The following STPG2 variants were observed in gnomAD, a reference collection of about 807,000 sequenced individuals.
The protein encoded by STPG2 is sperm tail PG-rich repeat containing 2.
STPG2 carries 56 observed loss-of-function variants against 54.2 expected under a neutral mutation model. That is an observed-to-expected ratio of 1.03 (90% confidence interval 0.83 to 1.29). STPG2 has a LOEUF of 1.29. STPG2 is among the 50% of genes most tolerant of loss of function. STPG2 has a pLI of 0.00. For missense variants in STPG2, 596 were observed against 544.9 expected (o/e 1.09, Z -0.93); for synonymous variants, 200 against 181.8 (o/e 1.10, Z -0.81).
intron 4 of STPG2, among the ~76,000 whole-genome samples, chr4:97,506,768 T>A (rs951394720): frequency 6.6e-6 from 1 of 151,650 alleles, no homozygotes; most frequent in East Asian, 1.9e-4. Flanking sequence ...AACAAAGTAG[T>A]ATAAAATGTA....
chr4:98,134,486 C>A (rs538450375), intron 1 of STPG2, 27 bp from the exon 2 acceptor site: 92 of 1,404,760 alleles, frequency 6.5e-5, no homozygotes, highest in Admixed American at 2.8e-4. Flanking sequence ...ATATGACCAG[C>A]AGATAAGATA....
At chr4:97,686,972 G>A (rs1723212983) in intron 10 of STPG2, among the ~76,000 whole-genome samples, 1 of 147,260 alleles carries the variant, frequency 6.8e-6, no homozygotes, top group African/African-American at 2.5e-5. Context: ...AGTGAGTCTC[G>A]CTCTGTCGCC....
intron 4 of STPG2, among the ~76,000 whole-genome samples, chr4:97,487,217 C>G (rs1730389507): frequency 6.6e-6 from 1 of 150,728 alleles, no homozygotes; most frequent in East Asian, 2.0e-4. Context: ...AAACCCAGAC[C>G]AGGAAGACTA....
intron 8 of STPG2, among the ~76,000 whole-genome samples, chr4:97,913,235 C>CA (rs1365000701): frequency 6.6e-6 from 1 of 152,148 alleles, no homozygotes; most frequent in Non-Finnish European, 1.5e-5. Flanking sequence ...CTTTATCAAT[C>CA]ACTTTATTAA....
intron 9 of STPG2, among the ~76,000 whole-genome samples, chr4:97,793,669 T>A (rs471500): frequency 2.0e-5 from 3 of 151,600 alleles, no homozygotes; most frequent in Non-Finnish European, 4.4e-5. Flanking sequence ...TACATGAATC[T>A]AAACAGCAAT....
At chr4:98,045,953 C>G (rs1425523799) in intron 5 of STPG2, among the ~76,000 whole-genome samples, 3 of 58,720 alleles carry the variant, frequency 5.1e-5, no homozygotes, top group Non-Finnish European at 1.2e-4. Context: ...ATCCCTTCCT[C>G]TTTCTCTTCT....
downstream of STPG2, among the ~76,000 whole-genome samples, chr4:97,554,513 T>C (rs1382435723): frequency 6.6e-6 from 1 of 152,146 alleles, no homozygotes; most frequent in African/African-American, 2.4e-5. Flanking sequence ...ATCGCCACAG[T>C]TGCAGGAGCC....
intron 4 of STPG2, among the ~76,000 whole-genome samples, chr4:97,551,341 C>A (rs942077148): frequency 6.6e-6 from 1 of 151,878 alleles, no homozygotes; most frequent in Non-Finnish European, 1.5e-5. Flanking sequence ...ATTAATAAGC[C>A]TCCAAGAAAA....
intron 5 of STPG2, among the ~76,000 whole-genome samples, chr4:97,982,966 T>C (rs544036671): frequency 4.6e-5 from 7 of 152,188 alleles, no homozygotes; most frequent in Admixed American, 1.3e-4. Context: ...GTACTTAGCA[T>C]TCTACTGTAA....
At chr4:97,935,205 T>C (rs1017686918) in intron 8 of STPG2, among the ~76,000 whole-genome samples, 14 of 152,116 alleles carry the variant, frequency 9.2e-5, no homozygotes, top group Non-Finnish European at 1.6e-4. Context: ...GTGATATCCT[T>C]TTTATCACTT....
chr4:97,864,152 C>A (rs1413713758), intron 8 of STPG2, among the ~76,000 whole-genome samples: 7 of 152,142 alleles, frequency 4.6e-5, no homozygotes, highest in African/African-American at 1.4e-4. Flanking sequence ...AAGAGGAAGT[C>A]AAATTGTCCC....
chr4:97,937,219 A>C (rs1732779009), intron 8 of STPG2, among the ~76,000 whole-genome samples: 1 of 151,886 alleles, frequency 6.6e-6, no homozygotes, highest in African/African-American at 2.4e-5. Context: ...TGTGTTTCTC[A>C]GCTCCATCAG....
intron 9 of STPG2, among the ~76,000 whole-genome samples, chr4:97,715,853 T>G (rs11097574): frequency 0.59 from 89,668 of 151,936 alleles, 26,763 homozygotes; most frequent in South Asian, 0.68. Context: ...TAGGACCTAA[T>G]TAAACTAAAG....
intron 8 of STPG2, among the ~76,000 whole-genome samples, chr4:97,901,725 C>A (rs772182478): frequency 3.3e-5 from 5 of 151,630 alleles, no homozygotes; most frequent in Non-Finnish European, 1.5e-5. Context: ...AGAATTAATA[C>A]TGTCAAAACA....
intron 8 of STPG2, among the ~76,000 whole-genome samples, chr4:97,874,101 T>G (rs1437720779): frequency 6.6e-6 from 1 of 151,464 alleles, no homozygotes; most frequent in African/African-American, 2.4e-5. Context: ...AGAAACAAAA[T>G]AGTAAAGGCA....
intron 4 of STPG2, among the ~76,000 whole-genome samples, chr4:97,478,873 ATGTGTGTGTGTGTGTG>A (rs35662485): frequency 0.017 from 2,292 of 134,030 alleles, 57 homozygotes; most frequent in African/African-American, 0.059. Context: ...CAAGCCAAAT[ATGTGTGTGTGTGTGTG>A]TGTGTGTGTG....
chr4:98,125,304 T>C (rs1739798192), intron 3 of STPG2, among the ~76,000 whole-genome samples: 1 of 152,202 alleles, frequency 6.6e-6, no homozygotes, highest in Non-Finnish European at 1.5e-5. Context: ...TTCTCATCTT[T>C]GTGGGCTTAT....
intron 9 of STPG2, among the ~76,000 whole-genome samples, chr4:97,736,219 G>A (rs1198778486): frequency 6.6e-6 from 1 of 152,130 alleles, no homozygotes; most frequent in Non-Finnish European, 1.5e-5. Context: ...ATTCAGAAAG[G>A]TGATAGCAGC....
chr4:97,664,202 C>T (rs1168903474), intron 10 of STPG2, among the ~76,000 whole-genome samples: 1 of 152,126 alleles, frequency 6.6e-6, no homozygotes, highest in Non-Finnish European at 1.5e-5. Flanking sequence ...AATGTAGATG[C>T]AATTATTACT....
Sources: gnomAD v4.1 joint callset for allele counts (sites outside exome capture counted in the v4.1 genomes callset) on GRCh38, gnomAD v4.1.1 for gene constraint, MANE v1.5 for transcripts, NCBI Gene and HGNC (gene_info 2026-07-23, HGNC 2026-07-21) for gene names.